The following PPP1R12B variants were observed in gnomAD, a reference collection of about 807,000 sequenced individuals.
PPP1R12B encodes protein phosphatase 1 regulatory subunit 12B, also known as myosin phosphatase target subunit 2.
Under a neutral mutation model 126.1 loss-of-function variants are expected in PPP1R12B, and 76 were observed. That is an observed-to-expected ratio of 0.60 (90% confidence interval 0.50 to 0.73). The LOEUF (loss-of-function observed/expected upper bound fraction) is 0.73. PPP1R12B is among the 30% of genes least tolerant of loss of function. PPP1R12B has a pLI of 0.00. For synonymous variants in PPP1R12B, 356 were observed against 434.7 expected (o/e 0.82, Z 2.25); for missense variants, 1,052 against 1,205.1 (o/e 0.87, Z 1.88).
intron 1 of PPP1R12B, among the ~76,000 whole-genome samples, chr1:202,397,996 C>G (rs1665244229): frequency 6.6e-6 from 1 of 152,214 alleles, no homozygotes; most frequent in Non-Finnish European, 1.5e-5. Flanking sequence ...ACTGCAACCT[C>G]CACCTCCTGG....
chr1:202,475,050 G>C (rs1302781657), intron 13 of PPP1R12B, among the ~76,000 whole-genome samples: 2 of 152,156 alleles, frequency 1.3e-5, no homozygotes, highest in Non-Finnish European at 1.5e-5. Context: ...TTACCCCTTT[G>C]TTTTACAGAT....
chr1:202,567,570 C>T (rs1402606208), intron 21 of PPP1R12B: 1 of 562,794 alleles, frequency 1.8e-6, no homozygotes, highest in Non-Finnish European at 3.1e-6. Flanking sequence ...TTCCCCTCCC[C>T]AGAGGGAATC....
At chr1:202,395,114 C>CAAAAAA (rs71142529) in intron 1 of PPP1R12B, among the ~76,000 whole-genome samples, 5 of 97,710 alleles carry the variant, frequency 5.1e-5, no homozygotes, top group Admixed American at 1.2e-4. Flanking sequence ...GAGACTCTCT[C>CAAAAAA]AAAAAAAAAA....
intron 23 of PPP1R12B, chr1:202,575,320 C>G: frequency 1.2e-6 from 1 of 857,256 alleles, no homozygotes; most frequent in Non-Finnish European, 1.7e-6. Flanking sequence ...TGGGACATAC[C>G]AGCCTAGGTC....
intron 1 of PPP1R12B, among the ~76,000 whole-genome samples, chr1:202,381,744 G>A (rs1261686267): frequency 6.6e-6 from 1 of 152,104 alleles, no homozygotes; most frequent in African/African-American, 2.4e-5. Context: ...CTGTTAATAC[G>A]TAGCATGTTA....
At chr1:202,372,787 TAAA>T (rs896058918) in intron 1 of PPP1R12B, among the ~76,000 whole-genome samples, 1 of 151,574 alleles carries the variant, frequency 6.6e-6, no homozygotes, top group Non-Finnish European at 1.5e-5. Context: ...TAAAAAAAAA[TAAA>T]AAAGTAAAAA....
At chr1:202,487,485 A>C (rs1002089928) in intron 13 of PPP1R12B, among the ~76,000 whole-genome samples, 3 of 152,250 alleles carry the variant, frequency 2.0e-5, no homozygotes, top group African/African-American at 7.2e-5. Flanking sequence ...AAAAGAAATA[A>C]AAATTGGAAG....
chr1:202,505,221 G>T (rs1005102653), intron 18 of PPP1R12B, among the ~76,000 whole-genome samples: 1 of 152,200 alleles, frequency 6.6e-6, no homozygotes, highest in Non-Finnish European at 1.5e-5. Context: ...TTTGGAACCT[G>T]TTAAGCATCT....
At chr1:202,377,412 C>T (rs1286470214) in intron 1 of PPP1R12B, among the ~76,000 whole-genome samples, 2 of 151,556 alleles carry the variant, frequency 1.3e-5, no homozygotes, top group Non-Finnish European at 2.9e-5. Flanking sequence ...ATGCCATTCT[C>T]CTGCCTCAGC....
intron 12 of PPP1R12B, among the ~76,000 whole-genome samples, chr1:202,447,848 G>C (rs1478784534): frequency 1.3e-5 from 2 of 152,098 alleles, no homozygotes; most frequent in Non-Finnish European, 2.9e-5. Flanking sequence ...TTGTAAGTCT[G>C]AGGAATTTTT....
chr1:202,419,424 T>A lies in PPP1R12B; in HGVS notation c.422+2507T>A, dbSNP rs1264347188. 6.6e-6 allele frequency among the ~76,000 whole-genome samples: 1 copy of A among 152,214 alleles called. No individual in the cohort carries two copies. The highest frequency in any genetic ancestry group is 2.4e-5 in the African/African-American group (1 of 41,456). On this transcript the variant is annotated intron_variant, in intron 2 of 23. Transcript: ENST00000608999. This position sits in a 1 kb window ranked among gnomAD's most constrained non-coding sequence, Gnocchi z 4.6. Reference sequence around the variant, plus strand: ...GTGAGCCTTTGGGCAACTGTAAGGATTCTCAGAGATAAAGTAGAAATTACT... The same window carrying A: ...GTGAGCCTTTGGGCAACTGTAAGGAATCTCAGAGATAAAGTAGAAATTACT...
intron 19 of PPP1R12B, among the ~76,000 whole-genome samples, chr1:202,560,412 A>G (rs1365972965): frequency 6.6e-6 from 1 of 152,176 alleles, no homozygotes; most frequent in Non-Finnish European, 1.5e-5. Flanking sequence ...GCCCGTTTTT[A>G]TGGTTATTTC....
At chr1:202,537,320 C>T (rs1443277857) in intron 18 of PPP1R12B, among the ~76,000 whole-genome samples, 2 of 151,484 alleles carry the variant, frequency 1.3e-5, no homozygotes, top group Non-Finnish European at 2.9e-5. Context: ...CGCCACTGCA[C>T]TCCAGCCTGG....
At chr1:202,402,383 T>C (rs536909375) in intron 1 of PPP1R12B, among the ~76,000 whole-genome samples, 31 of 152,360 alleles carry the variant, frequency 2.0e-4, no homozygotes, top group African/African-American at 7.2e-4. Context: ...CATTGGTTTG[T>C]ATTTTTCATT....
At chr1:202,517,074 C>T (rs1682231795) in intron 18 of PPP1R12B, among the ~76,000 whole-genome samples, 1 of 152,178 alleles carries the variant, frequency 6.6e-6, no homozygotes. Context: ...TAACAAAGTT[C>T]TGCTAAGTCA....
intron 21 of PPP1R12B, 67 bp from the exon 22 acceptor site, chr1:202,567,711 T>C (rs1202510787): frequency 4.6e-6 from 7 of 1,537,834 alleles, no homozygotes; most frequent in Admixed American, 3.4e-5. Flanking sequence ...GAAGCTGAAC[T>C]AGACTGGGCG....
chr1:202,541,160 G>A (rs1685090382), intron 18 of PPP1R12B, among the ~76,000 whole-genome samples: 1 of 152,022 alleles, frequency 6.6e-6, no homozygotes, highest in African/African-American at 2.4e-5. Context: ...GAAGAAGGAC[G>A]GCCATAGCTT....
At position 202,580,757 on chromosome 1, in the gene PPP1R12B, C is replaced by G; in HGVS notation, c.*197C>G. On this transcript the variant is annotated 3_prime_UTR_variant, in exon 24 of 24. Coordinates refer to ENST00000608999, the MANE Select transcript of PPP1R12B (RefSeq NM_002481.4). ...ATGCCCTGTTCTTCCAAACCCCTAT[C>G]CCAAGTTTTATGACAGTTTTAATTG... The G allele has an allele frequency of 1.8e-6, 1 of 542,688 alleles. No homozygotes were observed. Among genetic ancestry groups the G allele is most frequent in the East Asian group, 3.1e-5 (1 of 32,488 alleles). 33.6% of individuals were successfully genotyped at this position (542,688 alleles called of 1,614,324 possible).
At chr1:202,484,956 G>C (rs12124824) in intron 13 of PPP1R12B, among the ~76,000 whole-genome samples, 1 of 152,212 alleles carries the variant, frequency 6.6e-6, no homozygotes, top group Non-Finnish European at 1.5e-5. Context: ...GCTGCTGCTA[G>C]ACTGGCTGTC....
Sources: gnomAD v4.1 joint callset for allele counts (sites outside exome capture counted in the v4.1 genomes callset) on GRCh38, gnomAD v4.1.1 for gene constraint, Gnocchi (gnomAD v3.1) non-coding constraint, MANE v1.5 for transcripts, NCBI Gene and HGNC (gene_info 2026-07-23, HGNC 2026-07-21) for gene names.